The following PET117 variants were observed in gnomAD, a reference collection of about 807,000 sequenced individuals.
The protein encoded by PET117 is protein PET117 homolog, mitochondrial.
A neutral mutation model predicts 9.2 loss-of-function variants in PET117; 10 were observed. The observed-to-expected ratio is 1.09, with a 90% CI of 0.67 to 1.85. The LOEUF is 1.85. Ranked by LOEUF, PET117 falls within the 40% of genes most tolerant of loss-of-function variation. The pLI, the probability that PET117 is intolerant of heterozygous loss-of-function variation, is 0.00. For synonymous variants in PET117, 43 were observed against 37.1 expected (o/e 1.16, Z -0.57); for missense variants, 96 against 98.2 (o/e 0.98, Z 0.09).
intron 1 of PET117, among the ~76,000 whole-genome samples, chr20:18,141,473 A>AT (rs1001363401): frequency 1.3e-5 from 2 of 152,104 alleles, no homozygotes; most frequent in Non-Finnish European, 2.9e-5. Context: ...AGTAATCTGC[A>AT]TTTTTTCTGT....
In PET117 at chr20:18,141,047, A is replaced by ATTTTTAT. The variant is rs375567665; in HGVS notation, c.97-1156_97-1150dup. Among the ~76,000 whole-genome samples, 85 of 92,830 alleles carry ATTTTTAT rather than the reference A, an allele frequency of 9.2e-4. 1 individual carries two copies. The highest frequency in any genetic ancestry group is 3.5e-3 in the Admixed American group (24 of 6,930). 60.9% of individuals were successfully genotyped at this position (92,830 alleles called of 152,430 possible). A position where few individuals can be genotyped will look rare whatever the true frequency, so the allele number is the denominator to read the frequency against. ...AATTTTTTTTTTTTTTTTTTTTTTT[A>ATTTTTAT]TTTTTATTTTTGCTAGAGATGGGAT... On this transcript the variant is annotated intron_variant, in intron 1 of 1. Coordinates refer to ENST00000432901, the MANE Select transcript of PET117 (RefSeq NM_001164811.2).
chr20:18,141,047 ATTTTT>A (rs2037548992), intron 1 of PET117, among the ~76,000 whole-genome samples: 1 of 92,842 alleles, frequency 1.1e-5, no homozygotes, highest in South Asian at 3.9e-4. Context: ...TTTTTTTTTT[ATTTTT>A]ATTTTTGCTA....
At chr20:18,138,657 A>G (rs1205191) in intron 1 of PET117, among the ~76,000 whole-genome samples, 80,836 of 152,030 alleles carry the variant, frequency 0.53, 21,717 homozygotes, top group East Asian at 0.69. Context: ...TTGCTATGGA[A>G]ACTAGAATCT....
At position 18,139,633 on chromosome 20, in the gene PET117, CGTGTGTGTGTGTGTGTGTGT is replaced by C. The variant is rs71194228; in HGVS notation, c.96+1605_96+1624del. Reference sequence around the variant, plus strand: ...AGTTAGAGCTGAAGAACCAAAATAACGTGTGTGTGTGTGTGTGTGTGTGTGTGTGTGTGTGTGTGTGTTTA... The same window carrying C: ...AGTTAGAGCTGAAGAACCAAAATAACGTGTGTGTGTGTGTGTGTGTGTTTA... On this transcript the variant is annotated intron_variant, in intron 1 of 1. Coordinates refer to ENST00000432901, the MANE Select transcript of PET117 (RefSeq NM_001164811.2). Among the ~76,000 whole-genome samples, 7 of 141,720 alleles carry C rather than the reference CGTGTGTGTGTGTGTGTGTGT, an allele frequency of 4.9e-5. 1 individual carries two copies. Among genetic ancestry groups the C allele is most frequent in the African/African-American group, 1.8e-4 (7 of 39,428 alleles). The allele number at this position is 141,720 out of a possible 152,430, so 93.0% of individuals were successfully genotyped here. A position where few individuals can be genotyped will look rare whatever the true frequency, so the allele number is the denominator to read the frequency against.
At chr20:18,141,930 T>A (rs2037603371) in intron 1 of PET117, among the ~76,000 whole-genome samples, 1 of 152,188 alleles carries the variant, frequency 6.6e-6, no homozygotes, top group Non-Finnish European at 1.5e-5. Flanking sequence ...CAGTTTTTTT[T>A]TTCTGTTATT....
intron 1 of PET117, among the ~76,000 whole-genome samples, chr20:18,140,818 CAAAAA>C (rs1157203058): frequency 1.3e-5 from 1 of 79,078 alleles, no homozygotes; most frequent in Non-Finnish European, 2.3e-5. Context: ...GACTCCTTCT[CAAAAA>C]AAAAAAAAAA....
chr20:18,141,283 C>T (rs1421566570), intron 1 of PET117, among the ~76,000 whole-genome samples: 1 of 152,026 alleles, frequency 6.6e-6, no homozygotes, highest in Non-Finnish European at 1.5e-5. Flanking sequence ...GCCAGGTCCA[C>T]GTTCTGAAGT....
In PET117 at chr20:18,143,050, A is replaced by G; in HGVS notation, c.*693A>G. 2 of 1,437,522 alleles carry G rather than the reference A, an allele frequency of 1.4e-6. No individual in the cohort carries two copies. The highest frequency in any genetic ancestry group is 1.8e-6 in the Non-Finnish European group (2 of 1,096,596). 89.0% of individuals were successfully genotyped at this position (1,437,522 alleles called of 1,614,324 possible). A position where few individuals can be genotyped will look rare whatever the true frequency, so the allele number is the denominator to read the frequency against. On this transcript the variant is annotated 3_prime_UTR_variant, in exon 2 of 2. Transcript: ENST00000432901. ...AATTATATTTATTCTCTAGTTGATC[A>G]GCTATAAATTTATATAAAACATAGG...
rs2037616297 is a variant in PET117, at chr20:18,142,261, A to G, written c.150A>G (p.Glu50=). ...TTGAGAGGCAAATTCGGAAAAAAGA[A>G]AACATTCGTCTTTTGGGAGAACAGA... ...RDIERQIRKK[E]NIRLLGEQII... The change falls in exon 2 of 2, where the codon GAA becomes GAG. Residue 50 remains glutamate, a synonymous_variant. Coordinates refer to ENST00000432901, the MANE Select transcript of PET117 (RefSeq NM_001164811.2). 2.0e-6 allele frequency: 3 copies of G among 1,537,248 alleles called. No individual in the cohort carries two copies. Among genetic ancestry groups the G allele is most frequent in the Non-Finnish European group, 1.7e-6 (2 of 1,146,902 alleles).
At chr20:18,142,090 A>C in intron 1 of PET117, 118 bp from the exon 2 acceptor site, 1 of 1,042,640 alleles carries the variant, frequency 9.6e-7, no homozygotes, top group South Asian at 2.1e-5. Context: ...GTAACTGGGT[A>C]TTTGGAATCT....
At position 18,140,513 on chromosome 20, in the gene PET117, TAAA is replaced by T. The variant is rs546138091; in HGVS notation, c.97-1692_97-1690del. On this transcript the variant is annotated intron_variant, in intron 1 of 1. Coordinates refer to ENST00000432901, the MANE Select transcript of PET117 (RefSeq NM_001164811.2). ...TAATTCTACTCTATATAGCCACTATTAAAAACCATTTATTGGCCAGGCACGGTA... is the reference window on the plus strand; with the variant it reads ...TAATTCTACTCTATATAGCCACTATTAACCATTTATTGGCCAGGCACGGTA... Among the ~76,000 whole-genome samples the T allele has an allele frequency of 8.9e-4, 135 of 152,126 alleles. 1 individual carries two copies. Among genetic ancestry groups the T allele is most frequent in the African/African-American group, 3.2e-3 (131 of 41,500 alleles).
chr20:18,138,211 C>G (rs941763622), intron 1 of PET117, 160 bp downstream of exon 1: 13 of 1,269,028 alleles, frequency 1.0e-5, no homozygotes, highest in Non-Finnish European at 1.3e-5. Context: ...GGCCGGCGGC[C>G]GCTCTGCTGG....
chr20:18,143,066 A>G lies in PET117; in HGVS notation c.*709A>G. On this transcript the variant is annotated 3_prime_UTR_variant, in exon 2 of 2. Coordinates refer to ENST00000432901, the MANE Select transcript of PET117 (RefSeq NM_001164811.2). The stretch of plus-strand genomic sequence containing the variant: ...TAGTTGATCAGCTATAAATTTATAT[A>G]AAACATAGGCATGTTTGTACTAATG... The G allele has an allele frequency of 7.0e-7, 1 of 1,426,220 alleles. No homozygotes were observed. Among genetic ancestry groups the G allele is most frequent in the Non-Finnish European group, 9.2e-7 (1 of 1,090,418 alleles). The allele number at this position is 1,426,220 out of a possible 1,614,324, so 88.3% of individuals were successfully genotyped here.
At chr20:18,138,283 G>A (rs2037377567) in intron 1 of PET117, 2 of 1,212,468 alleles carry the variant, frequency 1.6e-6, no homozygotes, top group Admixed American at 4.5e-5. Flanking sequence ...CGACCCGGCT[G>A]CCCGGCTTAG....
chr20:18,138,097 C>T (rs1318475776), intron 1 of PET117, 46 bp downstream of exon 1: 4 of 1,427,440 alleles, frequency 2.8e-6, no homozygotes, highest in Admixed American at 2.9e-5. Context: ...CGCGCGGCGT[C>T]GACCTGGGGC....
chr20:18,138,289 C>T, intron 1 of PET117: 1 of 1,207,102 alleles, frequency 8.3e-7, no homozygotes. Flanking sequence ...GGCTGCCCGG[C>T]TTAGCGCCTT....
chr20:18,140,243 G>C (rs1298094864), intron 1 of PET117, among the ~76,000 whole-genome samples: 1 of 151,940 alleles, frequency 6.6e-6, no homozygotes, highest in Non-Finnish European at 1.5e-5. Context: ...CTGCAGTTGG[G>C]GGAGTGGAAT....
Position 18,137,902 on chromosome 20 carries a change from G to C in PET117, c.-54G>C, listed in dbSNP as rs911345821. The C allele has an allele frequency of 6.9e-7, 1 of 1,444,636 alleles. No individual in the cohort carries two copies. The highest frequency in any genetic ancestry group is 1.4e-5 in the South Asian group (1 of 74,040). 89.5% of individuals were successfully genotyped at this position (1,444,636 alleles called of 1,614,324 possible). ...CAGGCGGCGGTGCGCACTCTGCGGC[G>C]GCCTCTGCGCCTCGGGCGGGCGGGA... On this transcript the variant is annotated 5_prime_UTR_variant, in exon 1 of 2. Coordinates refer to ENST00000432901, the MANE Select transcript of PET117 (RefSeq NM_001164811.2).
chr20:18,138,868 A>G (rs1302279508), intron 1 of PET117, among the ~76,000 whole-genome samples: 5 of 152,228 alleles, frequency 3.3e-5, no homozygotes, highest in African/African-American at 9.6e-5. Flanking sequence ...AAAGATAAGG[A>G]AACTCCACTC....
Sources: allele counts gnomAD v4.1 joint callset (sites outside exome capture counted in the v4.1 genomes callset), GRCh38; gene constraint gnomAD v4.1.1; transcripts MANE v1.5; gene names NCBI Gene and HGNC (gene_info 2026-07-23, HGNC 2026-07-21).